Variants in GREB1L observed in about 807,000 individuals in gnomAD.
GREB1L encodes the protein GREB1-like protein.
In GREB1L, 17 loss-of-function variants were observed where a neutral mutation model predicts 200.8. That is an observed-to-expected ratio of 0.08 (90% CI 0.06 to 0.13). The LOEUF is 0.13. Ranked by LOEUF, GREB1L falls within the 10% of genes least tolerant of loss-of-function variation. The pLI is 1.00. For missense variants in GREB1L, 1,657 were observed against 2,367.7 expected (o/e 0.70, Z 6.23); for synonymous variants, 789 against 893.0 (o/e 0.88, Z 2.08).
In GREB1L at chr18:21,521,022, G is replaced by A. The variant is rs527247650; in HGVS notation, c.5608+199G>A. Among the ~76,000 whole-genome samples the A allele has an allele frequency of 2.6e-5, 4 of 152,110 alleles. No homozygotes were observed. In the South Asian group the frequency reaches 8.3e-4, roughly 32 times the overall value. On this transcript the variant is annotated intron_variant, in intron 32 of 32. Coordinates refer to ENST00000424526, the MANE Select transcript of GREB1L (RefSeq NM_001142966.3). ...CCATCCTGGCTAGCATGGTGAAACC[G>A]TCTCTACTAAAAAATACAACAAAAA...
At position 21,452,085 on chromosome 18, in the gene GREB1L, G is replaced by C. The variant is rs1382939744; in HGVS notation, c.1852G>C (p.Asp618His). The change falls in exon 14 of 33, where the codon GAT (aspartate) becomes CAT (histidine). Residue 618 changes from aspartate to histidine, a missense_variant and splice_region_variant. Coordinates refer to ENST00000424526, the MANE Select transcript of GREB1L (RefSeq NM_001142966.3). ...TTCTTATCTCTATTTTGTAATAGGC[G>C]ATGACCTAGACAAGCTGCTGGAAAA... Reference protein sequence around the residue: ...ASHFKTTSLGDDLDKLLEKMQ... With the variant: ...ASHFKTTSLGHDLDKLLEKMQ... 6.5e-7 allele frequency: 1 copy of C among 1,546,550 alleles called. No homozygotes were observed. Among genetic ancestry groups the C allele is most frequent in the East Asian group, 2.4e-5 (1 of 40,920 alleles).
Position 21,523,958 on chromosome 18 carries a change from C to T in GREB1L, c.*1137C>T, listed in dbSNP as rs956596029. The T allele has an allele frequency of 2.6e-5, 4 of 152,112 alleles. No homozygotes were observed. In the East Asian group the frequency reaches 5.8e-4, roughly 22 times the overall value. 9.4% of individuals were successfully genotyped at this position (152,112 alleles called of 1,614,324 possible). On this transcript the variant is annotated 3_prime_UTR_variant, in exon 33 of 33. Coordinates refer to ENST00000424526, the MANE Select transcript of GREB1L (RefSeq NM_001142966.3). ...TCAGCAGGGGGTGTTTGTCCAGTAT[C>T]GGCAATGGGAGGCATATGTTTCTAC... is the stretch of plus-strand genomic sequence containing the variant.
At chr18:21,307,254 T>C (rs2038715223) in intron 1 of GREB1L, among the ~76,000 whole-genome samples, 1 of 152,228 alleles carries the variant, frequency 6.6e-6, no homozygotes. Flanking sequence ...TTTAGTTACA[T>C]GCAGCAGTTA....
intron 17 of GREB1L, among the ~76,000 whole-genome samples, chr18:21,480,945 G>A (rs1301154534): frequency 2.6e-5 from 4 of 151,974 alleles, no homozygotes; most frequent in African/African-American, 9.7e-5. Flanking sequence ...ACTTGAACCT[G>A]GGAGGCGGAG....
intron 7 of GREB1L, among the ~76,000 whole-genome samples, chr18:21,427,479 T>C (rs1167614900): frequency 6.7e-6 from 1 of 149,718 alleles, no homozygotes; most frequent in Non-Finnish European, 1.5e-5. Flanking sequence ...CACTCCAGCT[T>C]GGGCAATAGA....
At chr18:21,478,152 A>C (rs2035782015) in intron 17 of GREB1L, among the ~76,000 whole-genome samples, 1 of 152,166 alleles carries the variant, frequency 6.6e-6, no homozygotes, top group African/African-American at 2.4e-5. Context: ...TTTTTGTTTT[A>C]AATCAGTTTT....
intron 1 of GREB1L, among the ~76,000 whole-genome samples, chr18:21,299,311 A>G (rs1465338728): frequency 6.6e-6 from 1 of 151,910 alleles, no homozygotes; most frequent in Non-Finnish European, 1.5e-5. Flanking sequence ...TCAAAAATAC[A>G]GTAAATATCC....
chr18:21,474,678 C>T (rs2035615486), intron 16 of GREB1L, among the ~76,000 whole-genome samples: 1 of 152,152 alleles, frequency 6.6e-6, no homozygotes, highest in Non-Finnish European at 1.5e-5. Flanking sequence ...CTGCACACAG[C>T]ACAGGGCCCA....
At chr18:21,303,782 A>G (rs968618064) in intron 1 of GREB1L, among the ~76,000 whole-genome samples, 1 of 152,200 alleles carries the variant, frequency 6.6e-6, no homozygotes, top group Non-Finnish European at 1.5e-5. Flanking sequence ...TGAACCTTTA[A>G]TTGAATATTT....
chr18:21,470,383 T>C (rs1221303009), intron 15 of GREB1L, among the ~76,000 whole-genome samples: 1 of 152,196 alleles, frequency 6.6e-6, no homozygotes, highest in Non-Finnish European at 1.5e-5. Context: ...ATGATATAGC[T>C]CTATTTAGAT....
rs781010156 is a variant in GREB1L, at chr18:21,508,433, G to A, written c.4577G>A (p.Arg1526Gln). ...CCTATTTTCACTCCTTCCAGTGGTC[G>A]ACATGAGCACGGACTCCTAAACCTT... is the stretch of plus-strand genomic sequence containing the variant. ...KSPIFTPSSG[R>Q]HEHGLLNLFH... Residue 1526 changes from arginine to glutamine, a missense_variant, in exon 27 of 33, where the codon CGA (arginine) becomes CAA (glutamine). Transcript: ENST00000424526. 2.6e-6 allele frequency: 4 copies of A among 1,551,486 alleles called. No homozygotes were observed. The highest frequency in any genetic ancestry group is 1.7e-6 in the Non-Finnish European group (2 of 1,146,978).
At chr18:21,421,162 CGTG>C (rs1462176002) in intron 7 of GREB1L, among the ~76,000 whole-genome samples, 1 of 151,992 alleles carries the variant, frequency 6.6e-6, no homozygotes, top group Non-Finnish European at 1.5e-5. Context: ...TACAAGGAAA[CGTG>C]GGGATGATAA....
chr18:21,508,928 GAA>G (rs1161897089), intron 27 of GREB1L, among the ~76,000 whole-genome samples: 1 of 152,048 alleles, frequency 6.6e-6, no homozygotes, highest in African/African-American at 2.4e-5. Context: ...GTAACCATGA[GAA>G]AAAAGATGGT....
intron 1 of GREB1L, among the ~76,000 whole-genome samples, chr18:21,310,849 C>T (rs1415432472): frequency 6.6e-6 from 1 of 152,120 alleles, no homozygotes. Context: ...AAATTAGAAA[C>T]ATGAATAAGA....
At chr18:21,457,416 T>C (rs1281139232) in intron 15 of GREB1L, among the ~76,000 whole-genome samples, 1 of 152,236 alleles carries the variant, frequency 6.6e-6, no homozygotes, top group Non-Finnish European at 1.5e-5. Context: ...AACATACCTT[T>C]ATTTTGTTAT....
intron 15 of GREB1L, among the ~76,000 whole-genome samples, chr18:21,471,688 C>T (rs1162222277): frequency 7.0e-6 from 1 of 142,040 alleles, no homozygotes; most frequent in Non-Finnish European, 1.5e-5. Context: ...GTGGTGTGAT[C>T]TCGGCACACC....
At chr18:21,251,053 T>C (rs2037694545) in intron 1 of GREB1L, among the ~76,000 whole-genome samples, 1 of 152,214 alleles carries the variant, frequency 6.6e-6, no homozygotes, top group African/African-American at 2.4e-5. Context: ...CAGTGGCTCA[T>C]GTCTGTAATC....
intron 4 of GREB1L, among the ~76,000 whole-genome samples, chr18:21,391,145 C>T (rs1348557660): frequency 1.3e-5 from 2 of 152,232 alleles, no homozygotes; most frequent in Non-Finnish European, 2.9e-5. Context: ...TCATTACTCA[C>T]TCACTGACTC....
At position 21,415,718 on chromosome 18, in the gene GREB1L, C is replaced by T. The variant is rs1361142172; in HGVS notation, c.832+11724C>T. The stretch of plus-strand genomic sequence containing the variant: ...AGCCAAACAGGAAAACCACATAATA[C>T]ATCAGGCATAAGATAGAGCACTTAG... On this transcript the variant is annotated intron_variant, in intron 7 of 32. Transcript: ENST00000424526. Among the ~76,000 whole-genome samples, 2 of 152,326 alleles carry T rather than the reference C, an allele frequency of 1.3e-5. 1 individual carries two copies. Among genetic ancestry groups the T allele is most frequent in the Middle Eastern group, 6.8e-3 (2 of 294 alleles).
Sources: gnomAD v4.1 joint callset for allele counts (sites outside exome capture counted in the v4.1 genomes callset) on GRCh38, gnomAD v4.1.1 for gene constraint, MANE v1.5 for transcripts, NCBI Gene and HGNC (gene_info 2026-07-23, HGNC 2026-07-21) for gene names.